Variants in CNTN2 observed in about 807,000 individuals in gnomAD.
The protein encoded by CNTN2 is contactin 2, also known as contactin-2.
CNTN2 carries 53 observed loss-of-function variants against 117.5 expected under a neutral mutation model. The ratio of observed to expected loss-of-function variants is 0.45; its 90% CI spans 0.36 to 0.57. CNTN2 has a LOEUF of 0.57. Among genes scored for constraint, CNTN2 ranks in the 20% least tolerant of loss-of-function variants. The pLI is 0.00. For synonymous variants in CNTN2, 530 were observed against 561.7 expected (o/e 0.94, Z 0.80); for missense variants, 1,106 against 1,404.3 (o/e 0.79, Z 3.39).
At chr1:205,056,078 G>A (rs548247716) in intron 2 of CNTN2, among the ~76,000 whole-genome samples, 1 of 152,288 alleles carries the variant, frequency 6.6e-6, no homozygotes, top group Admixed American at 6.5e-5. Context: ...AATGTGTGTA[G>A]GTGAGAGATG....
At chr1:205,062,357 C>A in intron 9 of CNTN2, 83 bp from the exon 10 acceptor site, 2 of 1,513,700 alleles carry the variant, frequency 1.3e-6, no homozygotes, top group Non-Finnish European at 8.9e-7. Context: ...CCTAGAGTCT[C>A]CACTGCTCCC....
chr1:205,064,700 C>G lies in CNTN2; in HGVS notation c.1469C>G (p.Ala490Gly). ...RSDEGKYTCF[A>G]ENFMGKANST... ...GATGAAGGCAAATACACCTGCTTTG[C>G]TGAGAACTTCATGGGCAAAGCCAAC... The change falls in exon 12 of 23, where the codon GCT (alanine) becomes GGT (glycine). Residue 490 changes from alanine to glycine, a missense_variant. Transcript: ENST00000331830. The G allele has an allele frequency of 5.6e-6, 9 of 1,614,204 alleles. No individual in the cohort carries two copies. Among genetic ancestry groups the G allele is most frequent in the Non-Finnish European group, 6.8e-6 (8 of 1,180,022 alleles).
intron 14 of CNTN2, 103 bp from the exon 15 acceptor site, chr1:205,066,338 C>A: frequency 7.2e-7 from 1 of 1,387,998 alleles, no homozygotes; most frequent in Non-Finnish European, 9.9e-7. Context: ...TCCTCTGCTG[C>A]CCTGTCTTGG....
rs140452201 is a variant in CNTN2, at chr1:205,071,431, C to T, written c.2545-516C>T. On this transcript the variant is annotated intron_variant, in intron 19 of 22. Coordinates refer to ENST00000331830, the MANE Select transcript of CNTN2 (RefSeq NM_005076.5). ...TAGTAGAGTACTCTAGATTTGAGTACAATAGCTTAGGCAAGCCACAGTGTG... is the reference window on the plus strand; with the variant it reads ...TAGTAGAGTACTCTAGATTTGAGTATAATAGCTTAGGCAAGCCACAGTGTG... 2.2e-4 allele frequency among the ~76,000 whole-genome samples: 33 copies of T among 152,326 alleles called. No homozygotes were observed. The East Asian group carries it at 6.4e-3, about 29-fold the overall frequency.
chr1:205,076,952 G>C lies in CNTN2; in HGVS notation c.*3187G>C, dbSNP rs1048438224. 1 of 152,086 alleles carries C rather than the reference G, an allele frequency of 6.6e-6. No homozygotes were observed. Among genetic ancestry groups the C allele is most frequent in the African/African-American group, 2.4e-5 (1 of 41,416 alleles). The allele number at this position is 152,086 out of a possible 1,614,324, so 9.4% of individuals were successfully genotyped here. Reference sequence around the variant, plus strand: ...CAGACGAGACTGAGGTTAAACATCAGAAAAAAACCTCTGGAATGACCTTCC... The same window carrying C: ...CAGACGAGACTGAGGTTAAACATCACAAAAAAACCTCTGGAATGACCTTCC... On this transcript the variant is annotated 3_prime_UTR_variant, in exon 23 of 23. Transcript: ENST00000331830.
rs1225043518 is a variant in CNTN2, at chr1:205,048,954, TGTGTG to T, written c.-86-4145_-86-4141del. ...GTGTGTGTGTGTGTGTGTGTGTGTG[TGTGTG>T]TTCACCCAAGGCTGTGGCACACAAT... On this transcript the variant is annotated intron_variant, in intron 1 of 22. Transcript: ENST00000331830. The surrounding 1 kb of genome is among the most constrained non-coding windows in gnomAD (Gnocchi z 4.1). Among the ~76,000 whole-genome samples the T allele has an allele frequency of 7.6e-6, 1 of 131,908 alleles. No individual in the cohort carries two copies. The highest frequency in any genetic ancestry group is 2.8e-5 in the African/African-American group (1 of 35,120). The allele number at this position is 131,908 out of a possible 152,430, so 86.5% of individuals were successfully genotyped here.
intron 1 of CNTN2, among the ~76,000 whole-genome samples, chr1:205,050,556 G>A (rs150179971): frequency 2.9e-3 from 446 of 152,236 alleles, no homozygotes; most frequent in African/African-American, 0.01. Flanking sequence ...TATTTAACAC[G>A]TTATTATAAA....
At chr1:205,069,728 G>A (rs1009800208) in intron 17 of CNTN2, 99 bp from the exon 18 acceptor site, 5 of 1,456,968 alleles carry the variant, frequency 3.4e-6, no homozygotes, top group East Asian at 2.3e-5. Context: ...AGGCGTAGGC[G>A]TCCAGGGCCG....
Position 205,065,392 on chromosome 1 carries a change from C to A in CNTN2, c.1695+130C>A. ...GCGCCCCCATTCCCTCAGGCCCACA[C>A]ATGGCAAGCTCATCCTTGGATGAAC... On this transcript the variant is annotated intron_variant, in intron 13 of 22. Transcript: ENST00000331830. The surrounding 1 kb of genome is among the most constrained non-coding windows in gnomAD (Gnocchi z 4.1). 2.1e-6 allele frequency: 2 copies of A among 934,038 alleles called. No homozygotes were observed. Among genetic ancestry groups the A allele is most frequent in the Non-Finnish European group, 3.2e-6 (2 of 619,022 alleles). 57.9% of individuals were successfully genotyped at this position (934,038 alleles called of 1,614,324 possible).
At chr1:205,064,887 C>T in intron 12 of CNTN2, 137 bp downstream of exon 12, 2 of 1,352,786 alleles carry the variant, frequency 1.5e-6, no homozygotes, top group Non-Finnish European at 2.0e-6. Flanking sequence ...CTTGGGACCA[C>T]CCCCTGGCCA....
Position 205,065,167 on chromosome 1 carries a change from C to T in CNTN2, c.1600C>T (p.His534Tyr). Residue 534 changes from histidine to tyrosine, a missense_variant, in exon 13 of 23, where the codon CAC becomes TAC. By Grantham distance (83) the His-to-Tyr change is moderately conservative (BLOSUM62 2). Transcript: ENST00000331830. This position sits in a 1 kb window ranked among gnomAD's most constrained non-coding sequence, Gnocchi z 4.1. The stretch of plus-strand genomic sequence containing the variant: ...CCTGACCCTACAGTGCCATGCCTCC[C>T]ACGACCCCACCATGGACCTCACCTT... Reference protein sequence around the residue: ...DNLTLQCHASHDPTMDLTFTW... With the variant: ...DNLTLQCHASYDPTMDLTFTW... 6 of 1,614,154 alleles carry T rather than the reference C, an allele frequency of 3.7e-6. No homozygotes were observed. Among genetic ancestry groups the T allele is most frequent in the East Asian group, 2.2e-5 (1 of 44,858 alleles).
At position 205,061,689 on chromosome 1, in the gene CNTN2, C is replaced by T. The variant is rs41264867; in HGVS notation, c.974-176C>T. On this transcript the variant is annotated intron_variant, in intron 8 of 22. Coordinates refer to ENST00000331830, the MANE Select transcript of CNTN2 (RefSeq NM_005076.5). This position sits in a 1 kb window ranked among gnomAD's most constrained non-coding sequence, Gnocchi z 4.8. Reference sequence around the variant, plus strand: ...AGCCACTGGCACAGCCACAGAGTGCCAGCTTTCTTGTGCCTCCTTCTTCCG... The same window carrying T: ...AGCCACTGGCACAGCCACAGAGTGCTAGCTTTCTTGTGCCTCCTTCTTCCG... 0.086 allele frequency: 79,878 copies of T among 929,400 alleles called. 6,493 individuals are homozygous for T. Among genetic ancestry groups the T allele is most frequent in the East Asian group, 0.38 (14,800 of 38,890 alleles). 57.6% of individuals were successfully genotyped at this position (929,400 alleles called of 1,614,324 possible).
Position 205,061,191 on chromosome 1 carries a change from TGGAGGGGTAGGCC to T in CNTN2, c.798-53_798-41del, listed in dbSNP as rs759881335. The T allele has an allele frequency of 7.7e-5, 119 of 1,540,464 alleles. No homozygotes were observed. The highest frequency in any genetic ancestry group is 9.5e-5 in the Non-Finnish European group (108 of 1,135,594). ...TCTGGGTATGAGGAGCTGCGGGCAC[TGGAGGGGTAGGCC>T]CAGCTCAGCCCACACCCTCTGGCTT... On this transcript the variant is annotated intron_variant, in intron 7 of 22. Transcript: ENST00000331830. This position sits in a 1 kb window ranked among gnomAD's most constrained non-coding sequence, Gnocchi z 4.8.
rs1654212989 is a variant in CNTN2, at chr1:205,065,180, T to C, written c.1613T>C (p.Met538Thr). 6.2e-7 allele frequency: 1 copy of C among 1,614,152 alleles called. No individual in the cohort carries two copies. Among genetic ancestry groups the C allele is most frequent in the Non-Finnish European group, 8.5e-7 (1 of 1,180,032 alleles). ...LQCHASHDPT[M>T]DLTFTWTLDD... ...TGCCATGCCTCCCACGACCCCACCA[T>C]GGACCTCACCTTCACCTGGACCCTG... The change falls in exon 13 of 23, where the codon ATG (methionine) becomes ACG (threonine). Residue 538 changes from methionine (M) to threonine (T), a missense_variant. Coordinates refer to ENST00000331830, the MANE Select transcript of CNTN2 (RefSeq NM_005076.5). This position sits in a 1 kb window ranked among gnomAD's most constrained non-coding sequence, Gnocchi z 4.1.
chr1:205,051,327 A>G (rs2096452478), intron 1 of CNTN2, among the ~76,000 whole-genome samples: 1 of 152,222 alleles, frequency 6.6e-6, no homozygotes, highest in Non-Finnish European at 1.5e-5. Context: ...TTTTGCGTAG[A>G]CAGGGGCATC....
intron 1 of CNTN2, among the ~76,000 whole-genome samples, chr1:205,049,660 A>G (rs1329783028): frequency 2.0e-5 from 3 of 152,094 alleles, no homozygotes; most frequent in Non-Finnish European, 4.4e-5. Context: ...CCAGGCCAGC[A>G]CCCTGCCCCC....
Position 205,059,252 on chromosome 1 carries a change from G to C in CNTN2, c.656G>C (p.Ser219Thr). The C allele has an allele frequency of 6.2e-7, 1 of 1,614,174 alleles. No homozygotes were observed. Among genetic ancestry groups the C allele is most frequent in the Non-Finnish European group, 8.5e-7 (1 of 1,180,038 alleles). ...AGCCACATGGACTTCTCCACCAAGAGCGTCTTCAGCAAGTTTGCTCAGCTC... is the reference window on the plus strand; with the variant it reads ...AGCCACATGGACTTCTCCACCAAGACCGTCTTCAGCAAGTTTGCTCAGCTC... ...ATSHMDFSTKSVFSKFAQLNL... is the reference protein window; with the variant it reads ...ATSHMDFSTKTVFSKFAQLNL... The change falls in exon 6 of 23, where the codon AGC becomes ACC. Residue 219 changes from serine to threonine, a missense_variant. Transcript: ENST00000331830. This position sits in a 1 kb window ranked among gnomAD's most constrained non-coding sequence, Gnocchi z 5.6.
rs758899109 is a variant in CNTN2, at chr1:205,066,530, A to C, written c.1906A>C (p.Ser636Arg). 3.7e-6 allele frequency: 6 copies of C among 1,614,094 alleles called. No homozygotes were observed. In the South Asian group the frequency reaches 6.6e-5, roughly 18 times the overall value. Residue 636 changes from serine to arginine, a missense_variant, in exon 15 of 23, where the codon AGC (serine) becomes CGC (arginine). Coordinates refer to ENST00000331830, the MANE Select transcript of CNTN2 (RefSeq NM_005076.5). ...LSWSRGFDNHSPIAKYTLQAR... is the reference protein window; with the variant it reads ...LSWSRGFDNHRPIAKYTLQAR... ...CTGGAGCCGTGGCTTCGACAACCAC[A>C]GCCCCATCGCTAAGTACACCCTGCA...
chr1:205,065,124 C>T lies in CNTN2; in HGVS notation c.1557C>T (p.Asp519=). ...TKITLAPSSA[D]INLGDNLTLQ... ...TCACTCTAGCCCCCTCAAGTGCCGA[C>T]ATCAACTTGGGTGACAACCTGACCC... The change falls in exon 13 of 23, where the codon GAC becomes GAT. Residue 519 remains aspartate (D), a synonymous_variant. Coordinates refer to ENST00000331830, the MANE Select transcript of CNTN2 (RefSeq NM_005076.5). This position sits in a 1 kb window ranked among gnomAD's most constrained non-coding sequence, Gnocchi z 4.1. 1 of 1,614,128 alleles carries T rather than the reference C, an allele frequency of 6.2e-7. No homozygotes were observed. Among genetic ancestry groups the T allele is most frequent in the African/African-American group, 1.3e-5 (1 of 75,030 alleles).
Sources: allele counts gnomAD v4.1 joint callset (sites outside exome capture counted in the v4.1 genomes callset), GRCh38; gene constraint gnomAD v4.1.1; non-coding constraint Gnocchi (gnomAD v3.1); transcripts MANE v1.5; gene names NCBI Gene and HGNC (gene_info 2026-07-23, HGNC 2026-07-21).